DNAJC8: variants seen among roughly 807,000 people sequenced by gnomAD.
DNAJC8 encodes DnaJ heat shock protein family (Hsp40) member C8, also known as dnaJ homolog subfamily C member 8.
DNAJC8 carries 24 observed loss-of-function variants against 43.2 expected under a neutral mutation model. The observed-to-expected ratio is 0.56, with a 90% CI of 0.40 to 0.78. The LOEUF is 0.78. Among genes scored for constraint, DNAJC8 ranks in the 30% least tolerant of loss-of-function variants. The pLI is 0.00. For synonymous variants in DNAJC8, 83 were observed against 98.0 expected (o/e 0.85, Z 0.90); for missense variants, 207 against 299.4 (o/e 0.69, Z 2.28).
At chr1:28,209,501 T>C (rs980577158) in intron 5 of DNAJC8, among the ~76,000 whole-genome samples, 1 of 152,084 alleles carries the variant, frequency 6.6e-6, no homozygotes, top group African/African-American at 2.4e-5. Context: ...TTCAACTGAG[T>C]TCTTCCCAAC....
Position 28,204,376 on chromosome 1 carries a change from T to C in DNAJC8, c.564-554A>G, listed in dbSNP as rs146626275. On this transcript the variant is annotated intron_variant, in intron 7 of 8. Coordinates refer to ENST00000263697, the MANE Select transcript of DNAJC8 (RefSeq NM_014280.3). Reference sequence around the variant, plus strand: ...CAGGTGGATCATGTGAGGTCAGGAGTTCGAGACCAGCCTGACCAACATGGT... The same window carrying C: ...CAGGTGGATCATGTGAGGTCAGGAGCTCGAGACCAGCCTGACCAACATGGT... Among the ~76,000 whole-genome samples, 143 of 151,264 alleles carry C rather than the reference T, an allele frequency of 9.5e-4. 1 individual carries two copies. In the Middle Eastern group the frequency reaches 0.014, roughly 15 times the overall value.
intron 6 of DNAJC8, among the ~76,000 whole-genome samples, chr1:28,206,494 C>T (rs1300155360): frequency 6.6e-6 from 1 of 152,098 alleles, no homozygotes; most frequent in African/African-American, 2.4e-5. Flanking sequence ...TAAGATCATG[C>T]CACTATATTC....
chr1:28,221,196 G>A (rs370517661), intron 2 of DNAJC8, among the ~76,000 whole-genome samples: 2 of 151,934 alleles, frequency 1.3e-5, no homozygotes, highest in Admixed American at 1.3e-4. Flanking sequence ...AAAATTAGCC[G>A]GGCGTGGTGG....
chr1:28,212,421 C>A (rs999272419), intron 3 of DNAJC8, among the ~76,000 whole-genome samples: 2 of 149,592 alleles, frequency 1.3e-5, no homozygotes, highest in South Asian at 4.2e-4. Flanking sequence ...ACTACAGGCA[C>A]GGCTAATTTT....
intron 1 of DNAJC8, among the ~76,000 whole-genome samples, 166 bp downstream of exon 1, chr1:28,232,755 G>C (rs1351195057): frequency 6.6e-6 from 1 of 152,134 alleles, no homozygotes; most frequent in East Asian, 1.9e-4. Flanking sequence ...TCTCCCAGCA[G>C]CTATCAGTGG....
intron 2 of DNAJC8, among the ~76,000 whole-genome samples, chr1:28,226,175 T>C (rs1646933294): frequency 1.3e-5 from 2 of 151,308 alleles, no homozygotes; most frequent in African/African-American, 4.9e-5. Flanking sequence ...GGAGTCTCTC[T>C]GAACCTATTC....
chr1:28,208,315 C>T (rs765209141), intron 6 of DNAJC8, 27 bp downstream of exon 6: 11 of 1,582,960 alleles, frequency 6.9e-6, no homozygotes, highest in Non-Finnish European at 9.5e-6. Flanking sequence ...ACACAAGATA[C>T]AGTGGCTTTT....
intron 2 of DNAJC8, among the ~76,000 whole-genome samples, chr1:28,224,561 C>T (rs912368325): frequency 6.6e-6 from 1 of 152,030 alleles, no homozygotes; most frequent in African/African-American, 2.4e-5. Context: ...AGCCACCGCG[C>T]CTGGCCAGGG....
intron 2 of DNAJC8, among the ~76,000 whole-genome samples, chr1:28,216,803 G>A (rs1356108573): frequency 2.0e-5 from 3 of 147,970 alleles, no homozygotes; most frequent in Non-Finnish European, 4.5e-5. Flanking sequence ...AAGGTGGGGC[G>A]ATTTCTTTTT....
chr1:28,227,595 A>C (rs1206812689), intron 2 of DNAJC8, among the ~76,000 whole-genome samples: 1 of 151,832 alleles, frequency 6.6e-6, no homozygotes, highest in Non-Finnish European at 1.5e-5. Context: ...GTCTCAAAAA[A>C]ATAAAATAAA....
intron 4 of DNAJC8, 32 bp from the exon 5 acceptor site, chr1:28,210,098 G>A: frequency 6.3e-7 from 1 of 1,587,534 alleles, no homozygotes; most frequent in South Asian, 1.1e-5. Context: ...AACTGTTTCT[G>A]CAAACACCCT....
At chr1:28,232,888 C>T in intron 1 of DNAJC8, 33 bp downstream of exon 1, 1 of 1,608,384 alleles carries the variant, frequency 6.2e-7, no homozygotes, top group South Asian at 1.1e-5. Context: ...GGAGCGGTCG[C>T]CCCGGTGCCA....
intron 2 of DNAJC8, among the ~76,000 whole-genome samples, chr1:28,218,420 A>AT (rs1230328485): frequency 6.7e-6 from 1 of 149,866 alleles, no homozygotes; most frequent in African/African-American, 2.5e-5. Flanking sequence ...TTAAACAAAT[A>AT]ATTTTTTTTT....
rs1193285859 is a variant in DNAJC8 at position 28,200,549 on chromosome 1, T to A, written c.*699A>T. 1 of 456,486 alleles carries A rather than the reference T, an allele frequency of 2.2e-6. No individual in the cohort carries two copies. The allele number at this position is 456,486 out of a possible 1,614,324, so 28.3% of individuals were successfully genotyped here. ...AAGGGAGAGTACAAGGAAAAGTACA[T>A]CAATGGCTTGGGTATAAAAATTTAT... On this transcript the variant is annotated 3_prime_UTR_variant, in exon 9 of 9. Transcript: ENST00000263697.
chr1:28,204,415 T>C lies in DNAJC8; in HGVS notation c.564-593A>G, dbSNP rs139158301. On this transcript the variant is annotated intron_variant, in intron 7 of 8. Transcript: ENST00000263697. ...GACCAACATGGTGAAACCCCGTCTC[T>C]ACTAAAAATGCAAAAATTAGCCAGG... 6.9e-3 allele frequency among the ~76,000 whole-genome samples: 1,045 copies of C among 152,146 alleles called. 14 individuals are homozygous for C. The highest frequency in any genetic ancestry group is 0.024 in the African/African-American group (987 of 41,512).
At chr1:28,210,482 A>G (rs1211602361) in intron 4 of DNAJC8, 89 bp downstream of exon 4, 48 of 1,195,874 alleles carry the variant, frequency 4.0e-5, no homozygotes, top group Non-Finnish European at 4.5e-5. Flanking sequence ...AGACAAAACT[A>G]TAACAGTCTT....
At chr1:28,222,197 A>G (rs1646902951) in intron 2 of DNAJC8, among the ~76,000 whole-genome samples, 1 of 152,134 alleles carries the variant, frequency 6.6e-6, no homozygotes, top group South Asian at 2.1e-4. Context: ...TTTAAAAACA[A>G]TGAACTGGCT....
intron 2 of DNAJC8, among the ~76,000 whole-genome samples, chr1:28,223,566 G>A (rs539242910): frequency 1.7e-4 from 26 of 152,196 alleles, no homozygotes; most frequent in African/African-American, 6.3e-4. Context: ...TTAAGTAAAT[G>A]TAGATATTAA....
intron 2 of DNAJC8, among the ~76,000 whole-genome samples, chr1:28,220,725 C>T (rs1274469442): frequency 2.0e-5 from 3 of 152,160 alleles, no homozygotes; most frequent in Non-Finnish European, 4.4e-5. Flanking sequence ...AACCACAGCT[C>T]TACTGTCCTC....
Sources: allele counts gnomAD v4.1 joint callset (sites outside exome capture counted in the v4.1 genomes callset), GRCh38; gene constraint gnomAD v4.1.1; transcripts MANE v1.5; gene names NCBI Gene and HGNC (gene_info 2026-07-23, HGNC 2026-07-21).